The following SAE1 variants were observed in gnomAD, a reference collection of about 807,000 sequenced individuals.
SAE1 encodes SUMO1 activating enzyme subunit 1, also known as SUMO-activating enzyme subunit 1.
SAE1 carries 11 observed loss-of-function variants against 40.6 expected under a neutral mutation model. That is an observed-to-expected ratio of 0.27 (90% CI 0.17 to 0.45). The LOEUF is 0.45. Among genes scored for constraint, SAE1 ranks in the 20% least tolerant of loss-of-function variants. The probability of loss-of-function intolerance (pLI) is 1.00; values close to 1 mark genes in which losing one functional copy is unlikely to be tolerated. For synonymous variants in SAE1, 155 were observed against 154.3 expected, an observed-to-expected ratio of 1.00 and a Z score of -0.03; for missense variants, 373 against 427.3, an observed-to-expected ratio of 0.87 and a Z score of 1.12.
chr19:47,152,687 G>T (rs954882789), intron 3 of SAE1, among the ~76,000 whole-genome samples: 34 of 152,122 alleles, frequency 2.2e-4, no homozygotes, highest in African/African-American at 8.2e-4. Flanking sequence ...GCTGCAGAAC[G>T]TGACGGTCTC....
At chr19:47,199,859 G>A (rs948987177) in intron 7 of SAE1, among the ~76,000 whole-genome samples, 1 of 151,882 alleles carries the variant, frequency 6.6e-6, no homozygotes, top group Non-Finnish European at 1.5e-5. Context: ...CCTGTACAGT[G>A]TCATCAGCCG....
At chr19:47,201,375 T>TTC (rs2058654048) in intron 7 of SAE1, among the ~76,000 whole-genome samples, 1 of 131,132 alleles carries the variant, frequency 7.6e-6, no homozygotes, top group Non-Finnish European at 1.6e-5. Flanking sequence ...TTTTTTTTTT[T>TTC]TTTTTTTTTT....
At chr19:47,136,689 C>T (rs1460573687) in intron 1 of SAE1, among the ~76,000 whole-genome samples, 1 of 151,952 alleles carries the variant, frequency 6.6e-6, no homozygotes, top group Non-Finnish European at 1.5e-5. Flanking sequence ...AGACGGGATT[C>T]CTCCATGTTG....
chr19:47,145,389 C>T (rs558592388), intron 2 of SAE1, among the ~76,000 whole-genome samples: 5 of 152,206 alleles, frequency 3.3e-5, no homozygotes, highest in Admixed American at 6.5e-5. Context: ...TCAGGTGATC[C>T]GCTGGCCTCG....
chr19:47,185,816 G>A (rs932637227), intron 6 of SAE1, among the ~76,000 whole-genome samples: 2 of 151,042 alleles, frequency 1.3e-5, no homozygotes, highest in African/African-American at 2.4e-5. Context: ...TGGCCAGCCT[G>A]ATCTTGAACT....
intron 6 of SAE1, among the ~76,000 whole-genome samples, chr19:47,196,519 A>G (rs1198122681): frequency 6.8e-6 from 1 of 147,250 alleles, no homozygotes; most frequent in African/African-American, 2.5e-5. Context: ...ACGTGTCACC[A>G]CACCTGGCTA....
intron 6 of SAE1, among the ~76,000 whole-genome samples, chr19:47,173,746 A>G (rs979526980): frequency 3.3e-5 from 5 of 151,978 alleles, no homozygotes; most frequent in African/African-American, 1.2e-4. Context: ...GGATTATGCT[A>G]AACTCAAAGG....
intron 1 of SAE1, among the ~76,000 whole-genome samples, chr19:47,139,445 T>C (rs923539018): frequency 5.3e-5 from 8 of 151,962 alleles, no homozygotes; most frequent in Non-Finnish European, 4.4e-5. Flanking sequence ...CTTGCCCTCC[T>C]AAAGTGCTGG....
rs898885815 is a variant in SAE1, at chr19:47,203,505, G to A, written c.879-166G>A. On this transcript the variant is annotated intron_variant, in intron 7 of 8. Coordinates refer to ENST00000270225, the MANE Select transcript of SAE1 (RefSeq NM_005500.3). ...CAACCACTTATGAATCCCTTGCTCA[G>A]ATTTCATTTTCACGCCTAGATGCCA... is the stretch of plus-strand genomic sequence containing the variant. 1.1e-4 allele frequency among the ~76,000 whole-genome samples: 16 copies of A among 152,280 alleles called. 1 individual carries two copies. Among genetic ancestry groups the A allele is most frequent in the Admixed American group, 9.8e-4 (15 of 15,288 alleles).
At chr19:47,131,467 C>G (rs1223505154) in intron 1 of SAE1, among the ~76,000 whole-genome samples, 2 of 152,042 alleles carry the variant, frequency 1.3e-5, no homozygotes, top group Non-Finnish European at 2.9e-5. Context: ...GCCAACCGGA[C>G]AGACGGGAGC....
intron 8 of SAE1, among the ~76,000 whole-genome samples, chr19:47,207,741 C>T (rs2058693475): frequency 6.6e-6 from 1 of 151,940 alleles, no homozygotes; most frequent in Non-Finnish European, 1.5e-5. Flanking sequence ...CTTAAGTGAT[C>T]CTCCCACCTC....
At chr19:47,143,639 T>C in intron 2 of SAE1, 34 bp downstream of exon 2, 1 of 1,484,326 alleles carries the variant, frequency 6.7e-7, no homozygotes, top group Non-Finnish European at 9.4e-7. Flanking sequence ...TCCCCTGCTC[T>C]GGCTCCCCTT....
chr19:47,166,068 C>G (rs143736412), intron 5 of SAE1, among the ~76,000 whole-genome samples: 1 of 152,156 alleles, frequency 6.6e-6, no homozygotes, highest in Non-Finnish European at 1.5e-5. Context: ...CCCCTGAAAT[C>G]TCCTGCCCAG....
intron 6 of SAE1, among the ~76,000 whole-genome samples, chr19:47,171,216 G>A (rs911605091): frequency 9.9e-5 from 15 of 151,958 alleles, no homozygotes; most frequent in South Asian, 6.2e-4. Context: ...CTCGTGATCC[G>A]CCCACCTCAG....
At chr19:47,206,241 C>T (rs900426453) in intron 8 of SAE1, among the ~76,000 whole-genome samples, 4 of 152,212 alleles carry the variant, frequency 2.6e-5, no homozygotes, top group African/African-American at 9.6e-5. Context: ...TTGGAATCTC[C>T]TCCTACCCCA....
intron 5 of SAE1, among the ~76,000 whole-genome samples, chr19:47,161,033 A>G (rs957723447): frequency 1.3e-5 from 2 of 151,564 alleles, no homozygotes; most frequent in African/African-American, 4.9e-5. Context: ...ATGGGATGTA[A>G]CTCTGTAGCC....
chr19:47,209,081 A>T, intron 8 of SAE1, 78 bp from the exon 9 acceptor site: 1 of 1,459,552 alleles, frequency 6.9e-7, no homozygotes, highest in Non-Finnish European at 9.4e-7. Context: ...ACTGCCCTAG[A>T]CTGCTTTTAG....
At chr19:47,144,647 C>T (rs191116331) in intron 2 of SAE1, among the ~76,000 whole-genome samples, 2 of 149,088 alleles carry the variant, frequency 1.3e-5, no homozygotes, top group African/African-American at 4.9e-5. Flanking sequence ...TGCAACGAGC[C>T]GAGATCATGC....
intron 5 of SAE1, among the ~76,000 whole-genome samples, chr19:47,161,811 C>T (rs2058361304): frequency 6.6e-6 from 1 of 152,148 alleles, no homozygotes; most frequent in Non-Finnish European, 1.5e-5. Context: ...TTCCAAGCAA[C>T]ACATAGAATT....
Sources: allele counts gnomAD v4.1 joint callset (sites outside exome capture counted in the v4.1 genomes callset), GRCh38; gene constraint gnomAD v4.1.1; transcripts MANE v1.5; gene names NCBI Gene and HGNC (gene_info 2026-07-23, HGNC 2026-07-21).